The following CHD5 variants were observed in gnomAD, a reference collection of about 807,000 sequenced individuals.
CHD5 encodes chromodomain helicase DNA binding protein 5, also known as ATP-dependent chromatin remodeler CHD5.
Under a neutral mutation model 230.3 loss-of-function variants are expected in CHD5, and 69 were observed. The ratio of observed to expected loss-of-function variants is 0.30; its 90% CI spans 0.25 to 0.37. The LOEUF (loss-of-function observed/expected upper bound fraction) is 0.37, where lower values mean the gene tolerates loss of function less well. CHD5 is among the 10% of genes least tolerant of loss of function. CHD5 has a pLI of 1.00. For missense variants in CHD5, 1,827 were observed against 2,622.8 expected, an observed-to-expected ratio of 0.70 and a Z score of 6.63; for synonymous variants, 1,064 against 1,065.9, an observed-to-expected ratio of 1.00 and a Z score of 0.03.
intron 38 of CHD5, among the ~76,000 whole-genome samples, chr1:6,107,601 G>GGAGA (rs753141300): frequency 0.07 from 9,652 of 138,184 alleles, 566 homozygotes; most frequent in East Asian, 0.24. Context: ...AAGGGATGAT[G>GGAGA]GATAGATAAA....
Position 6,111,902 on chromosome 1 carries a change from T to C in CHD5, c.5141-19A>G. The C allele has an allele frequency of 6.2e-7, 1 of 1,607,512 alleles. No homozygotes were observed. The highest frequency in any genetic ancestry group is 8.5e-7 in the Non-Finnish European group (1 of 1,175,178). ...TGCAACTCTGGGAAACAAGCCAAGG[T>C]GAGCAGGGTGAGAAGTGCCCCAGCT... On this transcript the variant is annotated intron_variant, in intron 35 of 41. Transcript: ENST00000262450.
At chr1:6,179,772 G>A (rs1469112405) in intron 1 of CHD5, among the ~76,000 whole-genome samples, 173 bp downstream of exon 1, 1 of 145,064 alleles carries the variant, frequency 6.9e-6, no homozygotes, top group Non-Finnish European at 1.5e-5. Flanking sequence ...CCCAGCCTTC[G>A]CCCTTGGCCG....
intron 7 of CHD5, 59 bp downstream of exon 7, chr1:6,150,973 A>G: frequency 1.4e-6 from 2 of 1,445,898 alleles, no homozygotes; most frequent in Non-Finnish European, 1.8e-6. Flanking sequence ...GGGGAGTCCT[A>G]CTCGTGCCCC....
intron 38 of CHD5, among the ~76,000 whole-genome samples, chr1:6,107,961 G>A (rs1666221055): frequency 2.2e-5 from 3 of 136,684 alleles, no homozygotes; most frequent in African/African-American, 2.8e-5. Context: ...GATGATGGAG[G>A]GATGGAAGGA....
Position 6,121,130 on chromosome 1 carries a change from CG to C in CHD5, c.4886del (p.Pro1629ArgfsTer25). The part of the protein sequence containing the change: ...EERPEETEKA[P>X]PSPEQLPREE... ...CTCTCGGCAGCTGCTCCGGGGAGGG[CG>C]GGGCCTTCTCCGTCTCCTCTGGCCG... On this transcript the variant is annotated frameshift_variant, in exon 33 of 42. Coordinates refer to ENST00000262450, the MANE Select transcript of CHD5 (RefSeq NM_015557.3). LOFTEE classifies it high-confidence loss of function. The surrounding 1 kb of genome is among the most constrained non-coding windows in gnomAD (Gnocchi z 4.5). The C allele has an allele frequency of 6.2e-7, 1 of 1,609,986 alleles. No individual in the cohort carries two copies. Among genetic ancestry groups the C allele is most frequent in the Non-Finnish European group, 8.5e-7 (1 of 1,178,382 alleles).
At chr1:6,138,339 T>C (rs1298327333) in intron 15 of CHD5, among the ~76,000 whole-genome samples, 1 of 151,466 alleles carries the variant, frequency 6.6e-6, no homozygotes, top group Non-Finnish European at 1.5e-5. Context: ...ATCACACCAT[T>C]GCACTCCAGC....
At chr1:6,139,824 A>G (rs1226521770) in intron 15 of CHD5, among the ~76,000 whole-genome samples, 1 of 152,240 alleles carries the variant, frequency 6.6e-6, no homozygotes, top group Admixed American at 6.5e-5. Flanking sequence ...TGCTTGGCAC[A>G]CGGCAGGGTC....
At chr1:6,120,274 A>G (rs1666447840) in intron 33 of CHD5, among the ~76,000 whole-genome samples, 1 of 152,188 alleles carries the variant, frequency 6.6e-6, no homozygotes, top group Non-Finnish European at 1.5e-5. Context: ...GCAGGTTTCA[A>G]CAACCTCATA....
intron 31 of CHD5, among the ~76,000 whole-genome samples, chr1:6,123,404 G>A (rs574946099): frequency 6.6e-6 from 1 of 152,088 alleles, no homozygotes; most frequent in East Asian, 1.9e-4. Context: ...TACACCCTAC[G>A]AATATACTAG....
At chr1:6,120,992 A>G (rs768571618) in intron 33 of CHD5, 113 bp downstream of exon 33, 24 of 1,280,696 alleles carry the variant, frequency 1.9e-5, no homozygotes, top group Non-Finnish European at 2.2e-5. Context: ...GTTGGAGTCT[A>G]CCTCTCTGCC....
At position 6,109,735 on chromosome 1, in the gene CHD5, G is replaced by A; in HGVS notation, c.5578+60C>T. The A allele has an allele frequency of 3.4e-6, 5 of 1,460,258 alleles. 1 individual carries two copies. Among genetic ancestry groups the A allele is most frequent in the Non-Finnish European group, 4.7e-6 (5 of 1,055,720 alleles). 90.5% of individuals were successfully genotyped at this position (1,460,258 alleles called of 1,614,324 possible). On this transcript the variant is annotated intron_variant, in intron 38 of 41. Transcript: ENST00000262450. Reference sequence around the variant, plus strand: ...TCAGTGCCCTCATCTACAGCCAAGAGCGCTCGCTGGGCAGGAGGAAGGGCG... The same window carrying A: ...TCAGTGCCCTCATCTACAGCCAAGAACGCTCGCTGGGCAGGAGGAAGGGCG...
chr1:6,154,865 G>A lies in CHD5; in HGVS notation c.540C>T (p.Pro180=). 6.2e-7 allele frequency: 1 copy of A among 1,613,914 alleles called. No individual in the cohort carries two copies. The highest frequency in any genetic ancestry group is 1.7e-4 in the Middle Eastern group (1 of 6,054). The part of the protein sequence containing the change: ...PLIAKKNPKI[P]MSKMMTVLGA... ...CCAGGACGGTCATCATTTTGGACATGGGGATCTTCGGGTTCTTCTTGGCAA... is the reference window on the plus strand; with the variant it reads ...CCAGGACGGTCATCATTTTGGACATAGGGATCTTCGGGTTCTTCTTGGCAA... Residue 180 remains proline (P), a synonymous_variant, in exon 5 of 42, where the codon CCC becomes CCT. Transcript: ENST00000262450. The surrounding 1 kb of genome is among the most constrained non-coding windows in gnomAD (Gnocchi z 7.0).
At chr1:6,109,760 G>T (rs762787147) in intron 38 of CHD5, 35 bp downstream of exon 38, 5 of 1,571,896 alleles carry the variant, frequency 3.2e-6, no homozygotes, top group African/African-American at 1.4e-5. Context: ...GAGGAAGGGC[G>T]GGGGGCTGCA....
chr1:6,161,690 C>T (rs915715982), intron 2 of CHD5, among the ~76,000 whole-genome samples: 4 of 152,228 alleles, frequency 2.6e-5, no homozygotes, highest in Non-Finnish European at 5.9e-5. Flanking sequence ...GTGATGTCCA[C>T]GTCCCGTTGA....
In CHD5 at chr1:6,131,605, A is replaced by G; in HGVS notation, c.3262+26T>C. ...AAGAGGCCAAAAAGGAGTCTCAATC[A>G]GAACCCTTGGGCAGGATGGGGGTAC... On this transcript the variant is annotated intron_variant, in intron 21 of 41. Transcript: ENST00000262450. This position sits in a 1 kb window ranked among gnomAD's most constrained non-coding sequence, Gnocchi z 5.0. 1 of 1,411,536 alleles carries G rather than the reference A, an allele frequency of 7.1e-7. No individual in the cohort carries two copies. The highest frequency in any genetic ancestry group is 1.0e-6 in the Non-Finnish European group (1 of 997,182). The allele number at this position is 1,411,536 out of a possible 1,614,324, so 87.4% of individuals were successfully genotyped here. A position where few individuals can be genotyped will look rare whatever the true frequency, so the allele number is the denominator to read the frequency against.
intron 7 of CHD5, among the ~76,000 whole-genome samples, chr1:6,150,672 T>C (rs1187689184): frequency 1.3e-5 from 2 of 151,692 alleles, no homozygotes; most frequent in African/African-American, 2.4e-5. Context: ...GAGGTAAAGA[T>C]GGGTGTTAAG....
At chr1:6,172,632 C>T (rs181831180) in intron 1 of CHD5, among the ~76,000 whole-genome samples, 31 of 152,212 alleles carry the variant, frequency 2.0e-4, no homozygotes, top group East Asian at 1.5e-3. Flanking sequence ...CACCCCCTTG[C>T]GAAGTCTCTC....
chr1:6,138,377 CAA>C (rs1189637514), intron 15 of CHD5, among the ~76,000 whole-genome samples: 2 of 128,602 alleles, frequency 1.6e-5, no homozygotes. Context: ...TCTCTGTCTC[CAA>C]AAAAAAAAAA....
rs1557545439 is a variant in CHD5 at position 6,129,853 on chromosome 1, C to T, written c.3387+351G>A. On this transcript the variant is annotated intron_variant, in intron 22 of 41. Coordinates refer to ENST00000262450, the MANE Select transcript of CHD5 (RefSeq NM_015557.3). The surrounding 1 kb of genome is among the most constrained non-coding windows in gnomAD (Gnocchi z 6.8). Reference sequence around the variant, plus strand: ...CCCACCCCCTTCAAAATGGGTGCCCCTCTGGGTCCCAGGGCTCCCTCTTCC... The same window carrying T: ...CCCACCCCCTTCAAAATGGGTGCCCTTCTGGGTCCCAGGGCTCCCTCTTCC... 6.6e-6 allele frequency among the ~76,000 whole-genome samples: 1 copy of T among 152,120 alleles called. No homozygotes were observed. The highest frequency in any genetic ancestry group is 1.5e-5 in the Non-Finnish European group (1 of 68,000).
Sources: allele counts gnomAD v4.1 joint callset (sites outside exome capture counted in the v4.1 genomes callset), GRCh38; gene constraint gnomAD v4.1.1; non-coding constraint Gnocchi (gnomAD v3.1); transcripts MANE v1.5; gene names NCBI Gene and HGNC (gene_info 2026-07-23, HGNC 2026-07-21).